EIF3I: variants seen among roughly 807,000 people sequenced by gnomAD.
EIF3I encodes the protein eukaryotic translation initiation factor 3 subunit I.
A neutral mutation model predicts 43.3 loss-of-function variants in EIF3I; 20 were observed. The observed-to-expected ratio is 0.46, with a 90% confidence interval of 0.32 to 0.67. The LOEUF is 0.67. EIF3I is among the 30% of genes least tolerant of loss of function. The pLI is 0.03. For synonymous variants in EIF3I, 167 were observed against 151.7 expected (o/e 1.10, Z -0.74); for missense variants, 279 against 421.4 (o/e 0.66, Z 2.96).
At chr1:32,228,949 C>T in intron 8 of EIF3I, 133 bp downstream of exon 8, 1 of 1,062,380 alleles carries the variant, frequency 9.4e-7, no homozygotes, top group South Asian at 1.5e-5. Flanking sequence ...AGAGGAGTGA[C>T]AAAGCTGGAA....
chr1:32,228,565 G>A (rs1174607761), exon 7 of EIF3I: 1 of 1,614,170 alleles, frequency 6.2e-7, no homozygotes, highest in East Asian at 2.2e-5. Context: ...GTTATCCAGG[G>A]ACATGACCAT....
chr1:32,225,015 G>C (rs1368649301), intron 4 of EIF3I, among the ~76,000 whole-genome samples: 1 of 152,146 alleles, frequency 6.6e-6, no homozygotes, highest in Non-Finnish European at 1.5e-5. Context: ...TGTATTTTTA[G>C]TAGAGACAGG....
At chr1:32,222,667 A>G (rs1169835578) in intron 2 of EIF3I, 37 bp downstream of exon 2, 3 of 1,598,390 alleles carry the variant, frequency 1.9e-6, no homozygotes, top group African/African-American at 1.3e-5. Context: ...GAGGGGCGGG[A>G]TCCTTCTGCC....
At chr1:32,226,589 T>C in intron 6 of EIF3I, 59 bp downstream of exon 6, 4 of 1,388,992 alleles carry the variant, frequency 2.9e-6, no homozygotes, top group Non-Finnish European at 3.7e-6. Context: ...TTTTTTAAGA[T>C]AGAGTCTCTC....
At chr1:32,228,561 C>T (rs147851690) in exon 7 of EIF3I, 1 of 1,614,172 alleles carries the variant, frequency 6.2e-7, no homozygotes, top group African/African-American at 1.3e-5. Flanking sequence ...TCCAGTTATC[C>T]AGGGACATGA....
At chr1:32,224,204 T>C in intron 3 of EIF3I, 83 bp downstream of exon 3, 1 of 1,416,486 alleles carries the variant, frequency 7.1e-7, no homozygotes, top group South Asian at 1.2e-5. Flanking sequence ...GAGTTGGGGG[T>C]GCTGTTGAGG....
intron 6 of EIF3I, among the ~76,000 whole-genome samples, chr1:32,227,283 A>T (rs1405166950): frequency 6.6e-6 from 1 of 151,032 alleles, no homozygotes; most frequent in Non-Finnish European, 1.5e-5. Flanking sequence ...TCTAAAAAAA[A>T]AAAAAAAAAA....
In EIF3I at chr1:32,228,493, C is replaced by T. The variant is rs1237953141; in HGVS notation, c.529-6C>T. 1.2e-6 allele frequency: 2 copies of T among 1,613,130 alleles called. No individual in the cohort carries two copies. The highest frequency in any genetic ancestry group is 1.7e-6 in the Non-Finnish European group (2 of 1,179,074). ...CCATTCAGTGTCACTCTTCTTCCTT[C>T]CCTAGTCTGGAGAGGTGTTGGTGAA... On this transcript the variant is annotated splice_polypyrimidine_tract_variant and splice_region_variant and intron_variant, in intron 6 of 11. Transcript: ENST00000676679.
At chr1:32,231,047 AAG>A (rs1557557116) in intron 11 of EIF3I, 28 bp downstream of exon 10, 1 of 1,613,450 alleles carries the variant, frequency 6.2e-7, no homozygotes, top group South Asian at 1.1e-5. Flanking sequence ...CAGCTGACCT[AAG>A]CCTGGGTTGG....
In EIF3I at chr1:32,224,543, G is replaced by T. The variant is rs188048580; in HGVS notation, c.250+68G>T. On this transcript the variant is annotated intron_variant, in intron 4 of 11. Coordinates refer to ENST00000676679, the Ensembl canonical transcript of EIF3I. ...TACAGTGTACCTGTTTGAGTAAACA[G>T]GTCCTAGGAAAATAGAGATGAAATC... The T allele has an allele frequency of 8.3e-5, 99 of 1,194,742 alleles. No homozygotes were observed. In the Admixed American group the frequency reaches 9.2e-4, roughly 11 times the overall value. 74.0% of individuals were successfully genotyped at this position (1,194,742 alleles called of 1,614,324 possible).
intron 4 of EIF3I, among the ~76,000 whole-genome samples, chr1:32,224,964 G>A (rs776154813): frequency 1.3e-5 from 2 of 152,130 alleles, no homozygotes; most frequent in Admixed American, 1.3e-4. Flanking sequence ...CTCCCAAATA[G>A]CTGGGATTAC....
chr1:32,224,357 C>G (rs1639106418), intron 3 of EIF3I, 53 bp from the exon 4 acceptor site: 6 of 1,509,362 alleles, frequency 4.0e-6, no homozygotes, highest in Non-Finnish European at 5.5e-6. Flanking sequence ...CTTGGCATCC[C>G]AAGAGGACAA....
chr1:32,227,297 A>AAAG (rs1639162999), intron 6 of EIF3I, among the ~76,000 whole-genome samples: 1 of 151,338 alleles, frequency 6.6e-6, no homozygotes, highest in South Asian at 2.1e-4. Context: ...AAAAAAAAAA[A>AAAG]AAGTTAATAA....
At chr1:32,229,495 G>A (rs1204057490) in intron 9 of EIF3I, among the ~76,000 whole-genome samples, 2 of 150,046 alleles carry the variant, frequency 1.3e-5, no homozygotes, top group Admixed American at 6.7e-5. Context: ...TGATACGCCC[G>A]CCTCAGCCTC....
rs553534835 is a variant in EIF3I at position 32,228,606 on chromosome 1, C to G, written c.636C>G (p.Ala212=). The change falls in exon 7 of 12, where the codon GCC becomes GCG. Residue 212 remains alanine (A), a synonymous_variant. Coordinates refer to ENST00000676679, the Ensembl canonical transcript of EIF3I. ...TGACCGCGTCCAAGGACAACACAGC[C>G]AAGGTGAGCCTGGGCAGCGGTCTGG... The G allele has an allele frequency of 2.6e-5, 42 of 1,614,074 alleles. No individual in the cohort carries two copies. The South Asian group carries it at 4.4e-4, about 17-fold the overall frequency.
intron 4 of EIF3I, 81 bp downstream of exon 4, chr1:32,224,556 T>C: frequency 4.8e-6 from 5 of 1,040,986 alleles, no homozygotes; most frequent in Non-Finnish European, 4.5e-6. Flanking sequence ...CCTAGGAAAA[T>C]AGAGATGAAA....
downstream of EIF3I, chr1:32,231,809 A>G (rs1639241531): frequency 6.5e-6 from 1 of 152,818 alleles, no homozygotes; most frequent in African/African-American, 2.4e-5. Flanking sequence ...TTTCAGGAAC[A>G]TCTCAGCTGC....
At chr1:32,235,320 C>T (rs893135518), downstream of EIF3I, 10 of 152,412 alleles carry the variant, frequency 6.6e-5, no homozygotes, top group African/African-American at 2.4e-4. Flanking sequence ...GCGTCTCGTT[C>T]TGTCCATGAA....
chr1:32,222,489 A>T (rs1206642761), intron 1 of EIF3I, 45 bp downstream of exon 1: 2 of 1,612,474 alleles, frequency 1.2e-6, no homozygotes, highest in Non-Finnish European at 1.7e-6. Context: ...TCCTGGGCTG[A>T]GGCTGGGGCC....
Sources: allele counts gnomAD v4.1 joint callset (sites outside exome capture counted in the v4.1 genomes callset), GRCh38; gene constraint gnomAD v4.1.1; transcripts MANE v1.5; gene names NCBI Gene and HGNC (gene_info 2026-07-23, HGNC 2026-07-21).